Variants in CCDC91 observed in about 807,000 individuals in gnomAD.
CCDC91 encodes the protein coiled-coil domain containing 91.
Under a neutral mutation model 63.2 loss-of-function variants are expected in CCDC91, and 48 were observed. The ratio of observed to expected loss-of-function variants is 0.76; its 90% CI spans 0.60 to 0.97. The LOEUF (loss-of-function observed/expected upper bound fraction) is 0.97. Ranked by LOEUF, CCDC91 falls within the 50% of genes least tolerant of loss-of-function variation. The probability of loss-of-function intolerance (pLI) is 0.00; values close to 1 mark genes in which losing one functional copy is unlikely to be tolerated. For missense variants in CCDC91, 500 were observed against 494.6 expected (o/e 1.01, Z -0.10); for synonymous variants, 167 against 165.8 (o/e 1.01, Z -0.06).
intron 8 of CCDC91, among the ~76,000 whole-genome samples, chr12:28,448,484 T>C (rs893974659): frequency 1.1e-4 from 16 of 152,200 alleles, no homozygotes; most frequent in Admixed American, 5.9e-4. Flanking sequence ...TGTTGTAGGA[T>C]ACTGTCAGAA....
chr12:28,298,660 A>G (rs1010435776), intron 3 of CCDC91, among the ~76,000 whole-genome samples: 4 of 150,416 alleles, frequency 2.7e-5, no homozygotes, highest in African/African-American at 9.7e-5. Flanking sequence ...CTTCTATCCT[A>G]TCCCTTTGCC....
intron 1 of CCDC91, among the ~76,000 whole-genome samples, chr12:28,202,301 G>A (rs1371651470): frequency 6.6e-6 from 1 of 152,104 alleles, no homozygotes; most frequent in African/African-American, 2.4e-5. Context: ...TTCTCTCCAT[G>A]TATAGATCAT....
At chr12:28,399,054 T>C (rs1234993663) in intron 8 of CCDC91, among the ~76,000 whole-genome samples, 2 of 152,168 alleles carry the variant, frequency 1.3e-5, no homozygotes, top group East Asian at 1.9e-4. Context: ...ATACCCAAGA[T>C]TGGGTAATTT....
At chr12:28,479,921 G>C (rs1186886695) in intron 11 of CCDC91, among the ~76,000 whole-genome samples, 1 of 151,976 alleles carries the variant, frequency 6.6e-6, no homozygotes, top group Non-Finnish European at 1.5e-5. Context: ...AATAAAGACT[G>C]TGTTTGTTGA....
At chr12:28,520,618 T>G (rs1284012004) in intron 12 of CCDC91, among the ~76,000 whole-genome samples, 2 of 152,332 alleles carry the variant, frequency 1.3e-5, no homozygotes, top group East Asian at 3.9e-4. Context: ...GCCATTGCTT[T>G]CGGTGTTTTA....
chr12:28,411,126 T>C, intron 8 of CCDC91, among the ~76,000 whole-genome samples: 1 of 152,200 alleles, frequency 6.6e-6, no homozygotes, highest in East Asian at 1.9e-4. Flanking sequence ...GATGGTAAAT[T>C]TCTTAATTAG....
chr12:28,294,074 A>T (rs1949404417), intron 3 of CCDC91, among the ~76,000 whole-genome samples: 1 of 152,156 alleles, frequency 6.6e-6, no homozygotes, highest in Non-Finnish European at 1.5e-5. Context: ...ACAGTCTTCT[A>T]GTTTGTGAAA....
intron 12 of CCDC91, among the ~76,000 whole-genome samples, chr12:28,524,086 A>C (rs1941025752): frequency 6.6e-6 from 1 of 152,072 alleles, no homozygotes; most frequent in African/African-American, 2.4e-5. Context: ...GAAGCCCATC[A>C]GACTAACAGT....
intron 3 of CCDC91, among the ~76,000 whole-genome samples, chr12:28,279,738 C>G (rs1948474594): frequency 6.6e-6 from 1 of 150,408 alleles, no homozygotes; most frequent in Admixed American, 6.6e-5. Context: ...TTTTTTTGTA[C>G]TAGCACATTA....
At chr12:28,260,805 T>C (rs1475713574) in intron 3 of CCDC91, among the ~76,000 whole-genome samples, 1 of 151,948 alleles carries the variant, frequency 6.6e-6, no homozygotes, top group Non-Finnish European at 1.5e-5. Context: ...AATTAACAGA[T>C]TAGCATGGCA....
chr12:28,386,115 T>C (rs1232249490), intron 7 of CCDC91, among the ~76,000 whole-genome samples: 2 of 152,226 alleles, frequency 1.3e-5, no homozygotes, highest in Admixed American at 1.3e-4. Context: ...CTCTGGTCGG[T>C]ACCAAATGGA....
intron 11 of CCDC91, among the ~76,000 whole-genome samples, chr12:28,481,300 G>A (rs1280892250): frequency 6.6e-6 from 1 of 151,858 alleles, no homozygotes; most frequent in South Asian, 2.1e-4. Context: ...GTAGATACTC[G>A]GTATGCTGCT....
intron 8 of CCDC91, among the ~76,000 whole-genome samples, chr12:28,440,550 A>T (rs1352103779): frequency 3.9e-5 from 6 of 152,344 alleles, no homozygotes; most frequent in African/African-American, 1.4e-4. Context: ...ACAAAGCAAT[A>T]GTCATAAAAG....
chr12:28,443,713 C>T (rs1412164301), intron 8 of CCDC91, among the ~76,000 whole-genome samples: 1 of 152,104 alleles, frequency 6.6e-6, no homozygotes, highest in Non-Finnish European at 1.5e-5. Context: ...AGCATGTACT[C>T]TTGACAGTGT....
intron 2 of CCDC91, among the ~76,000 whole-genome samples, chr12:28,258,492 A>G (rs1315645382): frequency 1.3e-5 from 2 of 152,024 alleles, no homozygotes; most frequent in Non-Finnish European, 2.9e-5. Context: ...TCAGTACTGC[A>G]TAGGTACAGG....
intron 6 of CCDC91, among the ~76,000 whole-genome samples, chr12:28,336,260 T>C (rs1941974320): frequency 6.6e-6 from 1 of 152,088 alleles, no homozygotes; most frequent in Non-Finnish European, 1.5e-5. Flanking sequence ...CAGAAAGTAA[T>C]TACTAATTGA....
chr12:28,342,145 G>A (rs1165905129), intron 6 of CCDC91, among the ~76,000 whole-genome samples: 1 of 152,148 alleles, frequency 6.6e-6, no homozygotes, highest in Non-Finnish European at 1.5e-5. Flanking sequence ...TTGATGCCCT[G>A]TTGTTTCTGA....
chr12:28,375,967 G>T (rs1265126523), intron 7 of CCDC91, among the ~76,000 whole-genome samples: 2 of 151,790 alleles, frequency 1.3e-5, no homozygotes, highest in Admixed American at 6.6e-5. Context: ...GATTGATCAG[G>T]TTACTTTAAT....
chr12:28,542,194 T>G (rs190485289), intron 12 of CCDC91, among the ~76,000 whole-genome samples: 59 of 152,172 alleles, frequency 3.9e-4, no homozygotes, highest in African/African-American at 1.4e-3. Context: ...ATTTGGTAGT[T>G]TGGGGTAAAA....
Sources: allele counts gnomAD v4.1 joint callset (sites outside exome capture counted in the v4.1 genomes callset), GRCh38; gene constraint gnomAD v4.1.1; transcripts MANE v1.5; gene names NCBI Gene and HGNC (gene_info 2026-07-23, HGNC 2026-07-21).